Variants in CAMK1D observed in about 807,000 individuals in gnomAD.
CAMK1D encodes the protein calcium/calmodulin dependent protein kinase ID, also known as calcium/calmodulin-dependent protein kinase type 1D.
Under a neutral mutation model 47.7 loss-of-function variants are expected in CAMK1D, and 9 were observed. The observed-to-expected ratio is 0.19, with a 90% CI of 0.11 to 0.33. The LOEUF (loss-of-function observed/expected upper bound fraction) is 0.33, where lower values mean the gene tolerates loss of function less well. CAMK1D is among the 10% of genes least tolerant of loss of function. The pLI, the probability that CAMK1D is intolerant of heterozygous loss-of-function variation, is 1.00. For missense variants in CAMK1D, 291 were observed against 488.7 expected, an observed-to-expected ratio of 0.60 and a Z score of 3.81; for synonymous variants, 184 against 184.9, an observed-to-expected ratio of 0.99 and a Z score of 0.04.
intron 2 of CAMK1D, among the ~76,000 whole-genome samples, chr10:12,599,768 AGAG>A (rs1838248185): frequency 6.6e-6 from 1 of 152,218 alleles, no homozygotes; most frequent in Admixed American, 6.5e-5. Flanking sequence ...CACGGGCCCC[AGAG>A]GAGGGCTTGC....
At position 12,603,400 on chromosome 10, in the gene CAMK1D, G is replaced by A. The variant is rs1302675118; in HGVS notation, c.224+50044G>A. On this transcript the variant is annotated intron_variant, in intron 2 of 10. Coordinates refer to ENST00000619168, the MANE Select transcript of CAMK1D (RefSeq NM_153498.4). ...CCGCCTCCCACCCTGACCCGTGCACGCCTGTCCTTGATCATTATATCATAT... is the reference window on the plus strand; with the variant it reads ...CCGCCTCCCACCCTGACCCGTGCACACCTGTCCTTGATCATTATATCATAT... Among the ~76,000 whole-genome samples the A allele has an allele frequency of 2.0e-5, 3 of 152,060 alleles. No individual in the cohort carries two copies. The East Asian group carries it at 5.8e-4, about 29-fold the overall frequency.
At chr10:12,451,041 CG>C (rs1833069308) in intron 1 of CAMK1D, among the ~76,000 whole-genome samples, 1 of 151,994 alleles carries the variant, frequency 6.6e-6, no homozygotes, top group Non-Finnish European at 1.5e-5. Flanking sequence ...TGCCATGGGC[CG>C]GGGAGTGAGG....
chr10:12,523,252 C>G (rs1030125824), intron 1 of CAMK1D, among the ~76,000 whole-genome samples: 26 of 151,530 alleles, frequency 1.7e-4, no homozygotes, highest in Admixed American at 1.6e-3. Flanking sequence ...GCGCTCCTCA[C>G]TTCCCAGACT....
Position 12,835,483 on chromosome 10 carries a change from CATAATG to C in CAMK1D, c.*6604_*6609del, listed in dbSNP as rs1388046138. On this transcript the variant is annotated 3_prime_UTR_variant, in exon 11 of 11. Transcript: ENST00000619168. ...CATGTATACATATCAAGATTTCTATCATAATGATAATGAGATTGATGACTTCCTGTT... is the reference window on the plus strand; with the variant it reads ...CATGTATACATATCAAGATTTCTATCATAATGAGATTGATGACTTCCTGTT... 6.6e-6 allele frequency: 1 copy of C among 152,222 alleles called. No individual in the cohort carries two copies. Among genetic ancestry groups the C allele is most frequent in the Admixed American group, 6.5e-5 (1 of 15,282 alleles). The allele number at this position is 152,222 out of a possible 1,614,324, so 9.4% of individuals were successfully genotyped here.
At chr10:12,751,050 CAATAAGATAAGATAAGATAA>C (rs1245825666) in intron 3 of CAMK1D, among the ~76,000 whole-genome samples, 2 of 132,542 alleles carry the variant, frequency 1.5e-5, no homozygotes, top group African/African-American at 6.1e-5. Context: ...CCGTCTCCCC[CAATAAGATAAGATAAGATAA>C]GATAAGATAA....
intron 1 of CAMK1D, among the ~76,000 whole-genome samples, chr10:12,494,331 C>T (rs1325198893): frequency 6.6e-6 from 1 of 152,114 alleles, no homozygotes. Context: ...TTTTGGTACA[C>T]AGCTTATTTT....
chr10:12,822,244 G>A (rs1275637622), intron 8 of CAMK1D, among the ~76,000 whole-genome samples: 3 of 152,260 alleles, frequency 2.0e-5, no homozygotes, highest in East Asian at 1.9e-4. Context: ...TTGTCATTGC[G>A]GCTTGTACTT....
At position 12,595,342 on chromosome 10, in the gene CAMK1D, G is replaced by GAAAAAAAAAAA. The variant is rs535214333; in HGVS notation, c.224+41998_224+42008dup. 1.7e-3 allele frequency among the ~76,000 whole-genome samples: 41 copies of GAAAAAAAAAAA among 23,562 alleles called. 13 individuals carry two copies. Among genetic ancestry groups the GAAAAAAAAAAA allele is most frequent in the South Asian group, 6.4e-3 (2 of 312 alleles). 15.5% of individuals were successfully genotyped at this position (23,562 alleles called of 152,430 possible). On this transcript the variant is annotated intron_variant, in intron 2 of 10. Transcript: ENST00000619168. ...GGGCAACAAGAGTGAAACTCCATCT[G>GAAAAAAAAAAA]AAAAAAAAAAAAAAAAAAAAAAGGA... is the stretch of plus-strand genomic sequence containing the variant.
intron 3 of CAMK1D, among the ~76,000 whole-genome samples, chr10:12,735,601 C>T (rs930980217): frequency 6.6e-6 from 1 of 152,202 alleles, no homozygotes; most frequent in African/African-American, 2.4e-5. Context: ...TGGCAGAAAC[C>T]TGGCTCTCCA....
chr10:12,474,434 C>A (rs1833842001), intron 1 of CAMK1D, among the ~76,000 whole-genome samples: 1 of 151,986 alleles, frequency 6.6e-6, no homozygotes, highest in African/African-American at 2.4e-5. Context: ...ACCTAAGAAT[C>A]CGCCTGCCTC....
At chr10:12,436,963 G>A (rs1338602156) in intron 1 of CAMK1D, among the ~76,000 whole-genome samples, 1 of 152,134 alleles carries the variant, frequency 6.6e-6, no homozygotes, top group Admixed American at 6.5e-5. Context: ...GAGGCACCAG[G>A]GGCAGGGCGC....
intron 1 of CAMK1D, among the ~76,000 whole-genome samples, chr10:12,508,721 A>G (rs1004657442): frequency 6.6e-6 from 1 of 152,190 alleles, no homozygotes; most frequent in Admixed American, 6.5e-5. Context: ...CTCCCCAACT[A>G]AACTCCCCAT....
chr10:12,418,955 T>G (rs932694801), intron 1 of CAMK1D, among the ~76,000 whole-genome samples: 3 of 152,152 alleles, frequency 2.0e-5, no homozygotes, highest in Non-Finnish European at 2.9e-5. Flanking sequence ...GCGGGCGTGG[T>G]GTGTCCGAAG....
At chr10:12,632,442 C>T (rs866829152) in intron 2 of CAMK1D, among the ~76,000 whole-genome samples, 30 of 152,208 alleles carry the variant, frequency 2.0e-4, no homozygotes, top group African/African-American at 5.3e-4. Flanking sequence ...CTGATAGGGT[C>T]GGATCAGGGT....
intron 3 of CAMK1D, among the ~76,000 whole-genome samples, chr10:12,727,090 G>A (rs919256171): frequency 2.6e-5 from 4 of 152,236 alleles, no homozygotes; most frequent in African/African-American, 9.6e-5. Flanking sequence ...ATGTGCTGAC[G>A]GAGGCTTGTG....
chr10:12,828,660 G>GT lies in CAMK1D; in HGVS notation c.1040-109_1040-108insT. On this transcript the variant is annotated intron_variant, in intron 10 of 10. Coordinates refer to ENST00000619168, the MANE Select transcript of CAMK1D (RefSeq NM_153498.4). ...CATCTCAAGAAAAAAAAAAAATTGG[G>GT]CCCCCCCGCCCCCCACCATAAACCC... 2 of 631,210 alleles carry GT rather than the reference G, an allele frequency of 3.2e-6. 1 individual carries two copies. Among genetic ancestry groups the GT allele is most frequent in the Admixed American group, 5.7e-5 (2 of 34,976 alleles). 39.1% of individuals were successfully genotyped at this position (631,210 alleles called of 1,614,324 possible). A position where few individuals can be genotyped will look rare whatever the true frequency, so the allele number is the denominator to read the frequency against.
intron 1 of CAMK1D, among the ~76,000 whole-genome samples, chr10:12,552,289 C>T (rs1050630235): frequency 1.3e-5 from 2 of 152,218 alleles, no homozygotes; most frequent in African/African-American, 4.8e-5. Flanking sequence ...GTCTTCCCCA[C>T]TCCATAGCCC....
chr10:12,440,620 C>T (rs755500797), intron 1 of CAMK1D, among the ~76,000 whole-genome samples: 2 of 152,064 alleles, frequency 1.3e-5, no homozygotes, highest in African/African-American at 4.8e-5. Flanking sequence ...TTTGGTGTGA[C>T]GGAAGTTGAA....
At chr10:12,539,204 C>G (rs1299257239) in intron 1 of CAMK1D, among the ~76,000 whole-genome samples, 2 of 152,156 alleles carry the variant, frequency 1.3e-5, no homozygotes, top group African/African-American at 4.8e-5. Flanking sequence ...AACACAGACA[C>G]AGCCAAACGT....
Sources: gnomAD v4.1 joint callset for allele counts (sites outside exome capture counted in the v4.1 genomes callset) on GRCh38, gnomAD v4.1.1 for gene constraint, MANE v1.5 for transcripts, NCBI Gene and HGNC (gene_info 2026-07-23, HGNC 2026-07-21) for gene names.